SIL1: variants seen among roughly 807,000 people sequenced by gnomAD.
SIL1 encodes nucleotide exchange factor SIL1.
A neutral mutation model predicts 49.1 loss-of-function variants in SIL1; 40 were observed. The ratio of observed to expected loss-of-function variants is 0.81; its 90% CI spans 0.63 to 1.06. The LOEUF is 1.06. SIL1 is among the 50% of genes least tolerant of loss of function. The pLI, the probability that SIL1 is intolerant of heterozygous loss-of-function variation, is 0.00. For missense variants in SIL1, 500 were observed against 572.6 expected, an observed-to-expected ratio of 0.87 and a Z score of 1.29; for synonymous variants, 253 against 250.8, an observed-to-expected ratio of 1.01 and a Z score of -0.08.
chr5:139,095,314 A>G (rs960393896), intron 3 of SIL1, among the ~76,000 whole-genome samples: 11 of 141,090 alleles, frequency 7.8e-5, no homozygotes, highest in Non-Finnish European at 1.6e-4. Context: ...CCCAGGCTGG[A>G]GTACGGTGGT....
At position 138,960,823 on chromosome 5, in the gene SIL1, A is replaced by G. The variant is rs1226775982; in HGVS notation, c.768-8939T>C. ...GATTATTATGAGATTCTGTCAAATG[A>G]TTTCCTGAAACGCAGACTTCCTCTG... On this transcript the variant is annotated intron_variant, in intron 7 of 9. Transcript: ENST00000394817. 2.0e-5 allele frequency among the ~76,000 whole-genome samples: 3 copies of G among 152,292 alleles called. No homozygotes were observed. In the East Asian group the frequency reaches 5.8e-4, roughly 29 times the overall value.
At chr5:138,989,997 T>C (rs1458906967) in intron 7 of SIL1, among the ~76,000 whole-genome samples, 1 of 152,150 alleles carries the variant, frequency 6.6e-6, no homozygotes, top group Non-Finnish European at 1.5e-5. Flanking sequence ...TGTCCATGGC[T>C]CTTTGGGAAA....
intron 3 of SIL1, among the ~76,000 whole-genome samples, chr5:139,057,328 AGAAAAG>A (rs1404745344): frequency 6.8e-6 from 1 of 146,894 alleles, no homozygotes; most frequent in Non-Finnish European, 1.5e-5. Context: ...AAAAAAAAAA[AGAAAAG>A]AAAAGAACAT....
chr5:139,166,757 AC>A (rs1411513617), intron 1 of SIL1, among the ~76,000 whole-genome samples: 2 of 151,220 alleles, frequency 1.3e-5, no homozygotes, highest in Non-Finnish European at 2.9e-5. Flanking sequence ...TGATTTTCCC[AC>A]CTCATCCTCC....
chr5:139,041,074 C>G (rs1769037693), intron 5 of SIL1, among the ~76,000 whole-genome samples: 2 of 152,156 alleles, frequency 1.3e-5, no homozygotes, highest in African/African-American at 4.8e-5. Context: ...GGAGCCAAAG[C>G]CCTGGCCAGT....
intron 5 of SIL1, among the ~76,000 whole-genome samples, chr5:139,032,146 C>A (rs1277844829): frequency 6.6e-6 from 1 of 152,160 alleles, no homozygotes; most frequent in Non-Finnish European, 1.5e-5. Context: ...ACATCCTTGG[C>A]TTGTTTCTGA....
intron 4 of SIL1, among the ~76,000 whole-genome samples, chr5:139,043,024 T>C (rs1769079812): frequency 6.6e-6 from 1 of 152,124 alleles, no homozygotes; most frequent in Admixed American, 6.5e-5. Flanking sequence ...GGGAGCATCA[T>C]ATTCCCCAAG....
intron 7 of SIL1, among the ~76,000 whole-genome samples, chr5:138,972,718 GT>G (rs1360572094): frequency 1.1e-4 from 16 of 152,246 alleles, no homozygotes; most frequent in African/African-American, 3.4e-4. Context: ...CAGAGAAACA[GT>G]TCAAACAGCA....
intron 2 of SIL1, among the ~76,000 whole-genome samples, chr5:139,123,656 T>C (rs1377687693): frequency 6.6e-6 from 1 of 152,146 alleles, no homozygotes; most frequent in Non-Finnish European, 1.5e-5. Flanking sequence ...GGTGTGTCAA[T>C]GAAATGCCCC....
At chr5:139,048,369 G>GTTTT (rs35482601) in intron 4 of SIL1, among the ~76,000 whole-genome samples, 48 of 87,746 alleles carry the variant, frequency 5.5e-4, no homozygotes, top group African/African-American at 6.9e-4. Flanking sequence ...TTTGTTGTTG[G>GTTTT]TTTTTTTTTT....
At chr5:139,125,484 C>T (rs1241741137) in intron 2 of SIL1, among the ~76,000 whole-genome samples, 2 of 152,174 alleles carry the variant, frequency 1.3e-5, no homozygotes, top group East Asian at 3.9e-4. Context: ...AGACAGACTG[C>T]CAGGGCAACG....
chr5:139,183,712 G>A (rs956105873), intron 1 of SIL1, among the ~76,000 whole-genome samples: 1 of 152,200 alleles, frequency 6.6e-6, no homozygotes, highest in African/African-American at 2.4e-5. Flanking sequence ...AAGACCTGTG[G>A]GAAGAGGCCA....
intron 2 of SIL1, among the ~76,000 whole-genome samples, chr5:139,124,509 CCTAT>C (rs1423761686): frequency 6.6e-6 from 1 of 152,106 alleles, no homozygotes; most frequent in Non-Finnish European, 1.5e-5. Flanking sequence ...TTGGTTCTCC[CCTAT>C]CTATGCTTAC....
intron 1 of SIL1, among the ~76,000 whole-genome samples, chr5:139,156,788 C>A (rs1751415014): frequency 1.3e-5 from 2 of 152,192 alleles, no homozygotes; most frequent in African/African-American, 4.8e-5. Context: ...CCTGCCAATA[C>A]CTTAACTTCA....
intron 2 of SIL1, among the ~76,000 whole-genome samples, chr5:139,123,613 G>A (rs887427586): frequency 8.5e-5 from 13 of 152,174 alleles, no homozygotes; most frequent in Non-Finnish European, 1.6e-4. Context: ...TAGACTGCAG[G>A]ACCAGGAGAA....
At chr5:139,167,599 GTTTTAAA>G (rs1169484793) in intron 1 of SIL1, among the ~76,000 whole-genome samples, 1 of 152,200 alleles carries the variant, frequency 6.6e-6, no homozygotes, top group Non-Finnish European at 1.5e-5. Context: ...TGAGTCAACA[GTTTTAAA>G]TTTTAAAGTA....
Position 139,106,540 on chromosome 5 carries a change from T to A in SIL1, c.244+14495A>T, listed in dbSNP as rs980123453. Among the ~76,000 whole-genome samples, 9 of 152,196 alleles carry A rather than the reference T, an allele frequency of 5.9e-5. 1 individual carries two copies. Among genetic ancestry groups the A allele is most frequent in the Admixed American group, 3.9e-4 (6 of 15,276 alleles). On this transcript the variant is annotated intron_variant, in intron 3 of 9. Transcript: ENST00000394817. ...AGCCATTGAGTTAAAATACAAAGAATGTTTTTTAGCATTGATTTTTTTTAA... is the reference window on the plus strand; with the variant it reads ...AGCCATTGAGTTAAAATACAAAGAAAGTTTTTTAGCATTGATTTTTTTTAA...
intron 7 of SIL1, among the ~76,000 whole-genome samples, chr5:139,015,027 A>C (rs1024048010): frequency 9.2e-5 from 14 of 152,220 alleles, no homozygotes; most frequent in African/African-American, 3.4e-4. Context: ...GCGGTATCTG[A>C]ATCATCCATG....
intron 3 of SIL1, among the ~76,000 whole-genome samples, chr5:139,053,248 A>C (rs983950908): frequency 1.3e-5 from 2 of 152,070 alleles, no homozygotes; most frequent in African/African-American, 4.8e-5. Flanking sequence ...ATGAATGCTA[A>C]AATGCCAGCC....
Sources: allele counts gnomAD v4.1 joint callset (sites outside exome capture counted in the v4.1 genomes callset), GRCh38; gene constraint gnomAD v4.1.1; transcripts MANE v1.5; gene names NCBI Gene and HGNC (gene_info 2026-07-23, HGNC 2026-07-21).